LTB4R: variants seen among roughly 807,000 people sequenced by gnomAD.
The protein encoded by LTB4R is leukotriene B4 receptor 1.
For synonymous variants in LTB4R, 250 were observed against 230.7 expected (o/e 1.08, Z -0.76); for missense variants, 470 against 485.6 (o/e 0.97, Z 0.30).
Position 24,316,509 on chromosome 14 carries a change from G to A in LTB4R, c.858G>A (p.Ala286=), listed in dbSNP as rs1399906340. 4.0e-6 allele frequency: 6 copies of A among 1,493,848 alleles called. No individual in the cohort carries two copies. The African/African-American group carries it at 8.8e-5, about 22-fold the overall frequency. 92.5% of individuals were successfully genotyped at this position (1,493,848 alleles called of 1,614,324 possible). Residue 286 remains alanine (A), a synonymous_variant, in exon 2 of 2, where the codon GCG becomes GCA. Coordinates refer to ENST00000345363, the MANE Select transcript of LTB4R (RefSeq NM_001143919.3). ...GCAGCGTGAACCCCGTGCTGTACGC[G>A]TGCGCCGGCGGCGGCCTGCTGCGCT... ...LSSSVNPVLY[A]CAGGGLLRSA... is the part of the protein sequence containing the mutation.
At position 24,317,519 on chromosome 14, in the gene LTB4R, CATT is replaced by C. The variant is rs1370505614; in HGVS notation, c.*813_*815del. The stretch of plus-strand genomic sequence containing the variant: ...ATTCCCAAAAGTGAGAGGGATGAGT[CATT>C]ATTTCCTAGAGATGACTGTTGTTTT... On this transcript the variant is annotated 3_prime_UTR_variant, in exon 2 of 2. Coordinates refer to ENST00000345363, the MANE Select transcript of LTB4R (RefSeq NM_001143919.3). 1 of 167,028 alleles carries C rather than the reference CATT, an allele frequency of 6.0e-6. No individual in the cohort carries two copies. Among genetic ancestry groups the C allele is most frequent in the African/African-American group, 2.4e-5 (1 of 41,428 alleles). The allele number at this position is 167,028 out of a possible 1,614,324, so 10.3% of individuals were successfully genotyped here. A position where few individuals can be genotyped will look rare whatever the true frequency, so the allele number is the denominator to read the frequency against.
chr14:24,312,642 C>T (rs561648071), intron 1 of LTB4R, among the ~76,000 whole-genome samples: 2 of 152,316 alleles, frequency 1.3e-5, no homozygotes, highest in Non-Finnish European at 2.9e-5. Flanking sequence ...CAAGTCTGGG[C>T]TCCTTCTAAG....
intron 1 of LTB4R, among the ~76,000 whole-genome samples, chr14:24,315,180 T>C (rs1049244867): frequency 2.6e-5 from 4 of 152,208 alleles, no homozygotes; most frequent in African/African-American, 7.2e-5. Flanking sequence ...CTCCCTGTTA[T>C]TCCTGGTTGA....
At position 24,311,785 on chromosome 14, in the gene LTB4R, C is replaced by A; in HGVS notation, c.-35C>A. Reference sequence around the variant, plus strand: ...GCTGCCCTTCCCTGTCCCTTTCCACCCCCCACCCACCCTCCAGAGGTCAGT... The same window carrying A: ...GCTGCCCTTCCCTGTCCCTTTCCACACCCCACCCACCCTCCAGAGGTCAGT... On this transcript the variant is annotated 5_prime_UTR_variant, in exon 1 of 2. Transcript: ENST00000345363. The A allele has an allele frequency of 6.8e-7, 1 of 1,463,676 alleles. No homozygotes were observed. Among genetic ancestry groups the A allele is most frequent in the Non-Finnish European group, 9.2e-7 (1 of 1,087,694 alleles). 90.7% of individuals were successfully genotyped at this position (1,463,676 alleles called of 1,614,324 possible). A position where few individuals can be genotyped will look rare whatever the true frequency, so the allele number is the denominator to read the frequency against.
Position 24,316,011 on chromosome 14 carries a change from C to T in LTB4R, c.360C>T (p.Ala120=), listed in dbSNP as rs762261384. The change falls in exon 2 of 2, where the codon GCC becomes GCT. Residue 120 remains alanine, a synonymous_variant. Transcript: ENST00000345363. ...AMSLDRSLAV[A]RPFVSQKLRT... Reference sequence around the variant, plus strand: ...GTCTAGACCGCTCACTGGCGGTGGCCCGCCCCTTTGTGTCCCAGAAGCTAC... The same window carrying T: ...GTCTAGACCGCTCACTGGCGGTGGCTCGCCCCTTTGTGTCCCAGAAGCTAC... The T allele has an allele frequency of 9.3e-6, 15 of 1,613,788 alleles. No individual in the cohort carries two copies. In the East Asian group the frequency reaches 1.3e-4, roughly 14 times the overall value.
At chr14:24,313,633 T>G (rs1289607754) in intron 1 of LTB4R, 1 of 150,444 alleles carries the variant, frequency 6.6e-6, no homozygotes, top group East Asian at 2.0e-4. Context: ...TCATTCAGGC[T>G]GGAGTGCAGT....
rs1322704133 is a variant in LTB4R, at chr14:24,316,217, G to C, written c.566G>C (p.Gly189Ala). The C allele has an allele frequency of 6.2e-7, 1 of 1,613,526 alleles. No individual in the cohort carries two copies. Among genetic ancestry groups the C allele is most frequent in the Non-Finnish European group, 8.5e-7 (1 of 1,180,024 alleles). The change falls in exon 2 of 2, where the codon GGC (glycine) becomes GCC (alanine). Residue 189 changes from glycine (G) to alanine (A), a missense_variant. Gly to Ala is a moderately conservative substitution (Grantham distance 60). Coordinates refer to ENST00000345363, the MANE Select transcript of LTB4R (RefSeq NM_001143919.3). ...AFHLIFEAVTGFLLPFLAVVA... is the reference protein window; with the variant it reads ...AFHLIFEAVTAFLLPFLAVVA... ...CATCTAATCTTCGAGGCTGTCACGG[G>C]CTTCCTGCTGCCCTTCCTGGCTGTG... is the stretch of plus-strand genomic sequence containing the variant.
intron 1 of LTB4R, chr14:24,313,449 A>G (rs2041741708): frequency 6.6e-6 from 1 of 152,202 alleles, no homozygotes; most frequent in Non-Finnish European, 1.5e-5. Context: ...TCCAAGCAGA[A>G]CAAGTGGGGG....
In LTB4R at chr14:24,316,722, G is replaced by A. The variant is rs1380682570; in HGVS notation, c.*12G>A. 1 of 1,505,322 alleles carries A rather than the reference G, an allele frequency of 6.6e-7. No individual in the cohort carries two copies. Among genetic ancestry groups the A allele is most frequent in the Non-Finnish European group, 8.9e-7 (1 of 1,127,370 alleles). The allele number at this position is 1,505,322 out of a possible 1,614,324, so 93.2% of individuals were successfully genotyped here. A position where few individuals can be genotyped will look rare whatever the true frequency, so the allele number is the denominator to read the frequency against. On this transcript the variant is annotated 3_prime_UTR_variant, in exon 2 of 2. Coordinates refer to ENST00000345363, the MANE Select transcript of LTB4R (RefSeq NM_001143919.3). ...ACGAACTGAACTAGGCCTGGTGGAA[G>A]GAGGCGCACTTTCCTCCTGGCAGAA...
rs754416994 is a variant in LTB4R, at chr14:24,315,685, C to T, written c.34C>T (p.Leu12=). 2 of 1,614,044 alleles carry T rather than the reference C, an allele frequency of 1.2e-6. No homozygotes were observed. Among genetic ancestry groups the T allele is most frequent in the Non-Finnish European group, 8.5e-7 (1 of 1,180,008 alleles). ...TACATCTTCTGCAGCACCCCCCTCACTAGGTGTAGAGTTCATCTCTCTGCT... is the reference window on the plus strand; with the variant it reads ...TACATCTTCTGCAGCACCCCCCTCATTAGGTGTAGAGTTCATCTCTCTGCT... ...NTTSSAAPPS[L]GVEFISLLAI... The change falls in exon 2 of 2, where the codon CTA becomes TTA. Residue 12 remains leucine (L), a synonymous_variant. Transcript: ENST00000345363.
rs776030926 is a variant in LTB4R at position 24,316,109 on chromosome 14, T to C, written c.458T>C (p.Leu153Pro). The change falls in exon 2 of 2, where the codon CTC becomes CCC. Residue 153 changes from leucine (L) to proline (P), a missense_variant. Transcript: ENST00000345363. ...TCCTTTCTGCTGGCCACACCCGTCCTCGCGTACCGCACAGTAGTGCCCTGG... is the reference window on the plus strand; with the variant it reads ...TCCTTTCTGCTGGCCACACCCGTCCCCGCGTACCGCACAGTAGTGCCCTGG... ...VLSFLLATPV[L>P]AYRTVVPWKT... is the part of the protein sequence containing the mutation. 6.2e-7 allele frequency: 1 copy of C among 1,613,580 alleles called. No homozygotes were observed. Among genetic ancestry groups the C allele is most frequent in the South Asian group, 1.1e-5 (1 of 91,090 alleles).
chr14:24,317,656 AAG>A lies in LTB4R; in HGVS notation c.*951_*952del, dbSNP rs1421331532. 1 of 166,944 alleles carries A rather than the reference AAG, an allele frequency of 6.0e-6. No homozygotes were observed. The highest frequency in any genetic ancestry group is 1.5e-5 in the Non-Finnish European group (1 of 68,114). The allele number at this position is 166,944 out of a possible 1,614,324, so 10.3% of individuals were successfully genotyped here. A position where few individuals can be genotyped will look rare whatever the true frequency, so the allele number is the denominator to read the frequency against. On this transcript the variant is annotated 3_prime_UTR_variant, in exon 2 of 2. Coordinates refer to ENST00000345363, the MANE Select transcript of LTB4R (RefSeq NM_001143919.3). Reference sequence around the variant, plus strand: ...CTCATAAAAAAACAAAAGAGCAAGTAAGAGAGGGAAACCAAATATCCACATGC... The same window carrying A: ...CTCATAAAAAAACAAAAGAGCAAGTAAGAGGGAAACCAAATATCCACATGC...
At position 24,316,309 on chromosome 14, in the gene LTB4R, G is replaced by A. The variant is rs747778454; in HGVS notation, c.658G>A (p.Gly220Ser). The change falls in exon 2 of 2, where the codon GGC becomes AGC. Residue 220 changes from glycine to serine, a missense_variant. Transcript: ENST00000345363. ...ARRFRRSRRTGRLVVLIILTF... is the reference protein window; with the variant it reads ...ARRFRRSRRTSRLVVLIILTF... ...GCGCTTCCGCCGCAGCCGCCGCACCGGCCGCCTGGTGGTGCTCATCATCCT... is the reference window on the plus strand; with the variant it reads ...GCGCTTCCGCCGCAGCCGCCGCACCAGCCGCCTGGTGGTGCTCATCATCCT... The A allele has an allele frequency of 6.2e-7, 1 of 1,601,944 alleles. No homozygotes were observed. The highest frequency in any genetic ancestry group is 8.5e-7 in the Non-Finnish European group (1 of 1,175,794).
rs1034395146 is a variant in LTB4R, at chr14:24,312,039, G to A, written c.-16+235G>A. On this transcript the variant is annotated intron_variant, in intron 1 of 1. Coordinates refer to ENST00000345363, the MANE Select transcript of LTB4R (RefSeq NM_001143919.3). ...TGTGAAATACACTGGGAAGCCATTA[G>A]ATGATGACTTAAGTGTGCTTCCCCT... is the stretch of plus-strand genomic sequence containing the variant. The A allele has an allele frequency of 4.4e-5, 17 of 387,728 alleles. 1 individual carries two copies. The South Asian group carries it at 4.7e-4, about 11-fold the overall frequency. The allele number at this position is 387,728 out of a possible 1,614,324, so 24.0% of individuals were successfully genotyped here.
intron 1 of LTB4R, among the ~76,000 whole-genome samples, chr14:24,312,357 A>G (rs1020266384): frequency 1.3e-5 from 2 of 152,200 alleles, no homozygotes; most frequent in Admixed American, 1.3e-4. Flanking sequence ...TTGAAAAGGA[A>G]GTTTTCCTGC....
intron 1 of LTB4R, chr14:24,313,469 G>A (rs1258327908): frequency 1.2e-4 from 18 of 152,174 alleles, no homozygotes; most frequent in Admixed American, 1.1e-3. Flanking sequence ...GCTCTGGAAA[G>A]GTTAAGGGAC....
At position 24,316,728 on chromosome 14, in the gene LTB4R, G is replaced by T. The variant is rs1156422010; in HGVS notation, c.*18G>T. The T allele has an allele frequency of 1.3e-6, 2 of 1,490,074 alleles. No homozygotes were observed. Among genetic ancestry groups the T allele is most frequent in the Non-Finnish European group, 1.8e-6 (2 of 1,118,036 alleles). The allele number at this position is 1,490,074 out of a possible 1,614,324, so 92.3% of individuals were successfully genotyped here. A position where few individuals can be genotyped will look rare whatever the true frequency, so the allele number is the denominator to read the frequency against. On this transcript the variant is annotated 3_prime_UTR_variant, in exon 2 of 2. Coordinates refer to ENST00000345363, the MANE Select transcript of LTB4R (RefSeq NM_001143919.3). ...TGAACTAGGCCTGGTGGAAGGAGGC[G>T]CACTTTCCTCCTGGCAGAATGCTAG...
intron 1 of LTB4R, among the ~76,000 whole-genome samples, chr14:24,312,844 C>T (rs1211833364): frequency 1.3e-5 from 2 of 152,172 alleles, no homozygotes; most frequent in African/African-American, 2.4e-5. Flanking sequence ...CCCAGTTGGC[C>T]TGGAACTTTC....
Position 24,316,139 on chromosome 14 carries a change from C to G in LTB4R, c.488C>G (p.Thr163Arg), listed in dbSNP as rs751846599. 1.2e-6 allele frequency: 2 copies of G among 1,613,916 alleles called. No individual in the cohort carries two copies. The highest frequency in any genetic ancestry group is 1.1e-5 in the South Asian group (1 of 91,090). ...LAYRTVVPWK[T>R]NMSLCFPRYP... is the part of the protein sequence containing the mutation. Reference sequence around the variant, plus strand: ...TACCGCACAGTAGTGCCCTGGAAAACGAACATGAGCCTGTGCTTCCCGCGG... The same window carrying G: ...TACCGCACAGTAGTGCCCTGGAAAAGGAACATGAGCCTGTGCTTCCCGCGG... Residue 163 changes from threonine (T) to arginine (R), a missense_variant, in exon 2 of 2, where the codon ACG (threonine) becomes AGG (arginine). Thr to Arg is a moderately conservative substitution (Grantham distance 71). Coordinates refer to ENST00000345363, the MANE Select transcript of LTB4R (RefSeq NM_001143919.3).
Sources: gnomAD v4.1 joint callset for allele counts (sites outside exome capture counted in the v4.1 genomes callset) on GRCh38, gnomAD v4.1.1 for gene constraint, MANE v1.5 for transcripts, NCBI Gene and HGNC (gene_info 2026-07-23, HGNC 2026-07-21) for gene names.